CAMK4: variants seen among roughly 807,000 people sequenced by gnomAD.
The protein encoded by CAMK4 is calcium/calmodulin-dependent protein kinase type IV.
In CAMK4, 22 loss-of-function variants were observed where a neutral mutation model predicts 44.9. The observed-to-expected ratio is 0.49, with a 90% confidence interval of 0.35 to 0.70. The LOEUF is 0.70. CAMK4 is among the 30% of genes least tolerant of loss of function. CAMK4 has a pLI of 0.01. For synonymous variants in CAMK4, 218 were observed against 215.4 expected, an observed-to-expected ratio of 1.01 and a Z score of -0.11; for missense variants, 498 against 586.8, an observed-to-expected ratio of 0.85 and a Z score of 1.56.
At chr5:111,374,809 G>T (rs764574940) in intron 2 of CAMK4, 41 bp from the exon 3 acceptor site, 14 of 1,211,736 alleles carry the variant, frequency 1.2e-5, no homozygotes, top group Non-Finnish European at 1.6e-5. Flanking sequence ...CAATGAAGGG[G>T]GGAGTTTCTT....
At chr5:111,299,738 G>T (rs1282354451) in intron 1 of CAMK4, among the ~76,000 whole-genome samples, 1 of 152,148 alleles carries the variant, frequency 6.6e-6, no homozygotes, top group Non-Finnish European at 1.5e-5. Flanking sequence ...CTTTGCTTCT[G>T]TTGAAAAGTG....
chr5:111,444,693 C>T (rs528316363), intron 5 of CAMK4, among the ~76,000 whole-genome samples: 4 of 152,296 alleles, frequency 2.6e-5, no homozygotes, highest in African/African-American at 7.2e-5. Context: ...TGTACCTCCC[C>T]AACCCCCCTT....
intron 1 of CAMK4, among the ~76,000 whole-genome samples, chr5:111,260,744 T>C (rs1749937835): frequency 6.6e-6 from 1 of 152,154 alleles, no homozygotes; most frequent in African/African-American, 2.4e-5. Flanking sequence ...TTCCTAACCA[T>C]TAAAGATTCC....
At chr5:111,362,446 AT>A (rs1750631249) in intron 2 of CAMK4, among the ~76,000 whole-genome samples, 2 of 64,286 alleles carry the variant, frequency 3.1e-5, no homozygotes, top group South Asian at 1.7e-3. Flanking sequence ...TGTGTAAAAG[AT>A]AACAAAATTT....
intron 8 of CAMK4, among the ~76,000 whole-genome samples, chr5:111,477,357 C>T (rs1755283529): frequency 6.6e-6 from 1 of 152,210 alleles, no homozygotes; most frequent in South Asian, 2.1e-4. Context: ...TATTAGGATG[C>T]ACTTTAATTT....
At chr5:111,291,107 T>C (rs916080126) in intron 1 of CAMK4, among the ~76,000 whole-genome samples, 2 of 152,234 alleles carry the variant, frequency 1.3e-5, no homozygotes, top group African/African-American at 4.8e-5. Context: ...AAAATAATTA[T>C]GCATTGGATT....
chr5:111,312,267 C>T (rs1342861108), intron 1 of CAMK4, among the ~76,000 whole-genome samples: 1 of 152,150 alleles, frequency 6.6e-6, no homozygotes, highest in Admixed American at 6.6e-5. Flanking sequence ...AGCCAGATAT[C>T]ATGGTGGTTA....
In CAMK4 at chr5:111,451,733, AAAC is replaced by A. The variant is rs561089886; in HGVS notation, c.625+2539_625+2541del. On this transcript the variant is annotated intron_variant, in intron 7 of 10. Coordinates refer to ENST00000282356, the MANE Select transcript of CAMK4 (RefSeq NM_001744.6). ...AGCCTGGCCAACATGGTGAAAAAAA[AAAC>A]AACAACAAAATAATTAGCTGGGCAT... Among the ~76,000 whole-genome samples, 12 of 152,242 alleles carry A rather than the reference AAAC, an allele frequency of 7.9e-5. No individual in the cohort carries two copies. In the South Asian group the frequency reaches 1.4e-3, roughly 18 times the overall value.
chr5:111,412,472 C>G (rs1022943036), intron 5 of CAMK4, among the ~76,000 whole-genome samples: 4 of 152,106 alleles, frequency 2.6e-5, no homozygotes, highest in African/African-American at 9.7e-5. Context: ...AGAAGATAAA[C>G]AATATACTGG....
At chr5:111,458,225 A>T (rs1302711290) in intron 7 of CAMK4, among the ~76,000 whole-genome samples, 1 of 152,198 alleles carries the variant, frequency 6.6e-6, no homozygotes, top group Non-Finnish European at 1.5e-5. Context: ...CAGGTAAAGG[A>T]AAAGTAGGGA....
intron 1 of CAMK4, among the ~76,000 whole-genome samples, chr5:111,278,039 T>C (rs1750849305): frequency 6.6e-6 from 1 of 152,238 alleles, no homozygotes; most frequent in Admixed American, 6.5e-5. Flanking sequence ...TTGTAGAATT[T>C]GAAGAATCAA....
chr5:111,432,000 T>C (rs1218458053), intron 5 of CAMK4, among the ~76,000 whole-genome samples: 1 of 152,156 alleles, frequency 6.6e-6, no homozygotes, highest in Middle Eastern at 3.2e-3. Context: ...ATCCCATTGT[T>C]GGGTATGTAC....
chr5:111,333,848 G>A lies in CAMK4; in HGVS notation c.162-10176G>A, dbSNP rs539712472. On this transcript the variant is annotated intron_variant, in intron 1 of 10. Coordinates refer to ENST00000282356, the MANE Select transcript of CAMK4 (RefSeq NM_001744.6). ...TGCCAATATAAGGTCTTGAAAAAGG[G>A]TTTGTAGGTCAGGAATGATACCTGT... Among the ~76,000 whole-genome samples, 4 of 151,656 alleles carry A rather than the reference G, an allele frequency of 2.6e-5. No individual in the cohort carries two copies. The South Asian group carries it at 8.3e-4, about 31-fold the overall frequency.
chr5:111,485,242 A>C lies in CAMK4; in HGVS notation c.*776A>C, dbSNP rs929150820. 3 of 152,218 alleles carry C rather than the reference A, an allele frequency of 2.0e-5. No homozygotes were observed. Among genetic ancestry groups the C allele is most frequent in the African/African-American group, 7.2e-5 (3 of 41,456 alleles). 9.4% of individuals were successfully genotyped at this position (152,218 alleles called of 1,614,324 possible). On this transcript the variant is annotated 3_prime_UTR_variant, in exon 11 of 11. Coordinates refer to ENST00000282356, the MANE Select transcript of CAMK4 (RefSeq NM_001744.6). The stretch of plus-strand genomic sequence containing the variant: ...TGATAGACAAAGCTTAGGGTGTAAT[A>C]AACAGGGAAGAAAAGAAGGTAAGAC...
intron 1 of CAMK4, among the ~76,000 whole-genome samples, chr5:111,232,354 C>G (rs1349208661): frequency 6.6e-6 from 1 of 151,920 alleles, no homozygotes; most frequent in Non-Finnish European, 1.5e-5. Flanking sequence ...ACTGGGGTGT[C>G]TTTATGGGGG....
intron 5 of CAMK4, among the ~76,000 whole-genome samples, chr5:111,426,354 C>G (rs1433159134): frequency 6.6e-6 from 1 of 152,122 alleles, no homozygotes; most frequent in East Asian, 1.9e-4. Context: ...TGGGTGATAA[C>G]AATACAGTTA....
chr5:111,284,145 C>A (rs532278013), intron 1 of CAMK4, among the ~76,000 whole-genome samples: 1 of 152,036 alleles, frequency 6.6e-6, no homozygotes, highest in East Asian at 1.9e-4. Context: ...TAAATGACAC[C>A]CTTTATATCT....
intron 7 of CAMK4, among the ~76,000 whole-genome samples, chr5:111,462,956 T>C (rs1160068043): frequency 6.6e-6 from 1 of 152,196 alleles, no homozygotes; most frequent in Non-Finnish European, 1.5e-5. Flanking sequence ...GAATATATAA[T>C]ATAAGGTTTG....
chr5:111,385,129 G>A (rs1218176935), intron 4 of CAMK4, among the ~76,000 whole-genome samples: 2 of 152,018 alleles, frequency 1.3e-5, no homozygotes, highest in African/African-American at 4.8e-5. Flanking sequence ...TTTAATGAGG[G>A]CTAGGAAATA....
Sources: gnomAD v4.1 joint callset for allele counts (sites outside exome capture counted in the v4.1 genomes callset) on GRCh38, gnomAD v4.1.1 for gene constraint, MANE v1.5 for transcripts, NCBI Gene and HGNC (gene_info 2026-07-23, HGNC 2026-07-21) for gene names.